TMEM131L: variants seen among roughly 807,000 people sequenced by gnomAD.
TMEM131L encodes the protein transmembrane 131 like.
A neutral mutation model predicts 192.2 loss-of-function variants in TMEM131L; 54 were observed. That is an observed-to-expected ratio of 0.28 (90% confidence interval 0.23 to 0.35). TMEM131L has a LOEUF of 0.35. Ranked by LOEUF, TMEM131L falls within the 10% of genes least tolerant of loss-of-function variation. The pLI is 1.00. For synonymous variants in TMEM131L, 701 were observed against 704.9 expected (o/e 0.99, Z 0.09); for missense variants, 1,888 against 1,972.9 (o/e 0.96, Z 0.82).
At chr4:153,576,266 T>C (rs1250191139) in intron 7 of TMEM131L, among the ~76,000 whole-genome samples, 1 of 152,166 alleles carries the variant, frequency 6.6e-6, no homozygotes, top group Non-Finnish European at 1.5e-5. Flanking sequence ...GGCCCAATTG[T>C]TTTGTTCTTT....
intron 33 of TMEM131L, among the ~76,000 whole-genome samples, chr4:153,634,601 G>A (rs757042937): frequency 6.6e-6 from 1 of 152,182 alleles, no homozygotes; most frequent in Non-Finnish European, 1.5e-5. Context: ...TTGGGAAGCC[G>A]GGGCTTTAGC....
At chr4:153,529,053 C>T (rs1047954831) in intron 3 of TMEM131L, among the ~76,000 whole-genome samples, 1 of 151,932 alleles carries the variant, frequency 6.6e-6, no homozygotes, top group Non-Finnish European at 1.5e-5. Context: ...CAGAGGGTCC[C>T]AGAGACTGCC....
At chr4:153,494,555 A>G (rs1170719085) in intron 3 of TMEM131L, among the ~76,000 whole-genome samples, 1 of 152,206 alleles carries the variant, frequency 6.6e-6, no homozygotes, top group Non-Finnish European at 1.5e-5. Flanking sequence ...GAAACTCACA[A>G]TAAGGGGAAA....
intron 10 of TMEM131L, 93 bp downstream of exon 10, chr4:153,583,341 G>A (rs1051362969): frequency 1.2e-6 from 1 of 812,880 alleles, no homozygotes. Flanking sequence ...AGAGACAGAA[G>A]CACTATCTTT....
At chr4:153,503,298 TTCTC>T (rs1386164852) in intron 3 of TMEM131L, among the ~76,000 whole-genome samples, 1 of 152,198 alleles carries the variant, frequency 6.6e-6, no homozygotes, top group African/African-American at 2.4e-5. Flanking sequence ...TATTCCTCCT[TTCTC>T]TGGGAGCATA....
chr4:153,616,094 T>C (rs894333957), intron 26 of TMEM131L, among the ~76,000 whole-genome samples: 46 of 152,210 alleles, frequency 3.0e-4, no homozygotes, highest in African/African-American at 1.1e-3. Context: ...CCTTGTTTGG[T>C]CTGTAAACCT....
At chr4:153,595,745 A>G (rs1421451295) in intron 19 of TMEM131L, among the ~76,000 whole-genome samples, 1 of 151,420 alleles carries the variant, frequency 6.6e-6, no homozygotes. Context: ...CATCTTGGAG[A>G]AAATAGAGGA....
chr4:153,620,683 G>T (rs1578882397), intron 26 of TMEM131L, 73 bp from the exon 27 acceptor site: 1 of 944,134 alleles, frequency 1.1e-6, no homozygotes, highest in Non-Finnish European at 1.5e-6. Context: ...GATGGAGTTG[G>T]TCTTCAAACA....
intron 3 of TMEM131L, among the ~76,000 whole-genome samples, chr4:153,498,107 G>A (rs1309445668): frequency 2.6e-5 from 4 of 152,292 alleles, no homozygotes; most frequent in East Asian, 3.9e-4. Flanking sequence ...CTGAGTTTAT[G>A]TAAGTTTGAG....
intron 3 of TMEM131L, among the ~76,000 whole-genome samples, chr4:153,488,432 G>A (rs1561124093): frequency 6.6e-6 from 1 of 152,192 alleles, no homozygotes; most frequent in Non-Finnish European, 1.5e-5. Flanking sequence ...GGGCCCTGGT[G>A]AGGGCAGGGC....
rs765920925 is a variant in TMEM131L, at chr4:153,602,229, G to A, written c.2344G>A (p.Val782Ile). The A allele has an allele frequency of 2.5e-6, 4 of 1,613,022 alleles. No individual in the cohort carries two copies. Among genetic ancestry groups the A allele is most frequent in the South Asian group, 2.2e-5 (2 of 90,898 alleles). Residue 782 changes from valine to isoleucine, a missense_variant, in exon 22 of 35, where the codon GTT (valine) becomes ATT (isoleucine). By Grantham distance (29) the Val-to-Ile change is conservative (BLOSUM62 3). Coordinates refer to ENST00000409959, the MANE Select transcript of TMEM131L (RefSeq NM_001131007.2). ...GAATATTGGACCTCTTCCTATAACT[G>A]TTTCGTCTCTGAAAATTAATGGGTA... The part of the protein sequence containing the change: ...VENIGPLPIT[V>I]SSLKINGYNC...
At position 153,555,831 on chromosome 4, in the gene TMEM131L, C is replaced by T; in HGVS notation, c.353C>T (p.Pro118Leu). ...GCAAAGATTCTCCATGCTTACAACC[C>T]TAGTAGGGACAGCGAGGTTGTGGTG... ...PVAKILHAYN[P>L]SRDSEVVVNS... The change falls in exon 5 of 35, where the codon CCT (proline) becomes CTT (leucine). Residue 118 changes from proline to leucine, a missense_variant. Physicochemically the swap from Pro to Leu is moderately conservative, Grantham distance 98 (BLOSUM62 -3). Coordinates refer to ENST00000409959, the MANE Select transcript of TMEM131L (RefSeq NM_001131007.2). This position sits in a 1 kb window ranked among gnomAD's most constrained non-coding sequence, Gnocchi z 4.1. 6.4e-7 allele frequency: 1 copy of T among 1,551,588 alleles called. No homozygotes were observed.
chr4:153,473,311 G>C (rs561807126), intron 2 of TMEM131L, among the ~76,000 whole-genome samples: 5 of 152,224 alleles, frequency 3.3e-5, no homozygotes, highest in African/African-American at 1.2e-4. Context: ...TGGTGCACCG[G>C]ATGGTTGCAG....
rs1166058721 is a variant in TMEM131L, at chr4:153,602,258, C to T, written c.2373C>T (p.Asn791=). ...CGTCTCTGAAAATTAATGGGTATAA[C>T]TGCCAAGGTTATGGATTCGAGGTGC... ...TVSSLKINGY[N]CQGYGFEVLD... is the part of the protein sequence containing the mutation. Residue 791 remains asparagine (N), a synonymous_variant, in exon 22 of 35, where the codon AAC becomes AAT. Coordinates refer to ENST00000409959, the MANE Select transcript of TMEM131L (RefSeq NM_001131007.2). 1 of 1,613,738 alleles carries T rather than the reference C, an allele frequency of 6.2e-7. No homozygotes were observed. Among genetic ancestry groups the T allele is most frequent in the East Asian group, 2.2e-5 (1 of 44,870 alleles).
chr4:153,590,635 G>A (rs894996607), intron 16 of TMEM131L, among the ~76,000 whole-genome samples: 1 of 151,998 alleles, frequency 6.6e-6, no homozygotes, highest in Non-Finnish European at 1.5e-5. Context: ...TGATGTTTCT[G>A]ATTATTTTGT....
At chr4:153,580,978 G>T in intron 8 of TMEM131L, 75 bp downstream of exon 8, 1 of 1,078,708 alleles carries the variant, frequency 9.3e-7, no homozygotes, top group South Asian at 1.3e-5. Context: ...ACAAGGCTGG[G>T]CGCTGTGGCT....
chr4:153,533,177 G>GT (rs1736045081), intron 3 of TMEM131L, among the ~76,000 whole-genome samples: 1 of 151,992 alleles, frequency 6.6e-6, no homozygotes, highest in Admixed American at 6.6e-5. Context: ...TAGAGACGGG[G>GT]TTTCTCCATG....
At chr4:153,536,904 GGGAGAAAGCATA>G (rs1658863205) in intron 3 of TMEM131L, among the ~76,000 whole-genome samples, 1 of 152,154 alleles carries the variant, frequency 6.6e-6, no homozygotes, top group Admixed American at 6.5e-5. Context: ...CATCCAGCAC[GGGAGAAAGCATA>G]GGAAAAAGAT....
chr4:153,581,631 A>G lies in TMEM131L; in HGVS notation c.892+71A>G, dbSNP rs1341049178. On this transcript the variant is annotated intron_variant, in intron 9 of 34. Coordinates refer to ENST00000409959, the MANE Select transcript of TMEM131L (RefSeq NM_001131007.2). ...CATCATCATTCTATAGCATTTATGA[A>G]CAGATTGTATCATAGCAAACCAAGA... is the stretch of plus-strand genomic sequence containing the variant. 9 of 1,088,096 alleles carry G rather than the reference A, an allele frequency of 8.3e-6. No individual in the cohort carries two copies. The Admixed American group carries it at 2.0e-4, about 24-fold the overall frequency. The allele number at this position is 1,088,096 out of a possible 1,614,324, so 67.4% of individuals were successfully genotyped here. A position where few individuals can be genotyped will look rare whatever the true frequency, so the allele number is the denominator to read the frequency against.
Sources: gnomAD v4.1 joint callset for allele counts (sites outside exome capture counted in the v4.1 genomes callset) on GRCh38, gnomAD v4.1.1 for gene constraint, Gnocchi (gnomAD v3.1) non-coding constraint, MANE v1.5 for transcripts, NCBI Gene and HGNC (gene_info 2026-07-23, HGNC 2026-07-21) for gene names.